SMARCA2: variants seen among roughly 807,000 people sequenced by gnomAD.
The protein encoded by SMARCA2 is SWI/SNF related BAF chromatin remodeling complex subunit ATPase 2.
A neutral mutation model predicts 199.8 loss-of-function variants in SMARCA2; 61 were observed. That is an observed-to-expected ratio of 0.31 (90% CI 0.25 to 0.38). The LOEUF is 0.38. Ranked by LOEUF, SMARCA2 falls within the 10% of genes least tolerant of loss-of-function variation. The pLI is 1.00. For synonymous variants in SMARCA2, 935 were observed against 732.0 expected (o/e 1.28, Z -4.48); for missense variants, 1,344 against 2,012.2 (o/e 0.67, Z 6.35).
At chr9:2,089,234 C>G (rs753473879) in intron 19 of SMARCA2, among the ~76,000 whole-genome samples, 7 of 152,082 alleles carry the variant, frequency 4.6e-5, no homozygotes, top group Non-Finnish European at 7.4e-5. Flanking sequence ...TTTAGAACAC[C>G]TTTTGAGCCC....
At position 2,123,093 on chromosome 9, in the gene SMARCA2, G is replaced by A. The variant is rs1823536624; in HGVS notation, c.3763-626G>A. Among the ~76,000 whole-genome samples, 1 of 152,194 alleles carries A rather than the reference G, an allele frequency of 6.6e-6. No individual in the cohort carries two copies. The highest frequency in any genetic ancestry group is 2.4e-5 in the African/African-American group (1 of 41,440). The stretch of plus-strand genomic sequence containing the variant: ...TTCATAAGAGCACAAAGCTTAAAAT[G>A]TAAAGAATTGAAGAGCATTCCTCAG... On this transcript the variant is annotated intron_variant, in intron 26 of 33. Coordinates refer to ENST00000349721, the MANE Select transcript of SMARCA2 (RefSeq NM_003070.5). The surrounding 1 kb of genome is among the most constrained non-coding windows in gnomAD (Gnocchi z 4.1).
At chr9:2,163,632 A>G (rs115930753) in intron 28 of SMARCA2, among the ~76,000 whole-genome samples, 48 of 152,270 alleles carry the variant, frequency 3.2e-4, no homozygotes, top group African/African-American at 1.2e-3. Context: ...ATATACATCA[A>G]ACTTTTTTGC....
Position 2,169,330 on chromosome 9 carries a change from C to T in SMARCA2, c.4200-1089C>T, listed in dbSNP as rs542917053. On this transcript the variant is annotated intron_variant, in intron 28 of 33. Coordinates refer to ENST00000349721, the MANE Select transcript of SMARCA2 (RefSeq NM_003070.5). This position sits in a 1 kb window ranked among gnomAD's most constrained non-coding sequence, Gnocchi z 6.5. ...ATTGTAACTTTAGAACTCTTCACAG[C>T]GGCCCCGTTGCCTACCCGATGATGA... Among the ~76,000 whole-genome samples, 102 of 152,278 alleles carry T rather than the reference C, an allele frequency of 6.7e-4. No homozygotes were observed. The highest frequency in any genetic ancestry group is 1.2e-3 in the Non-Finnish European group (79 of 68,024).
At chr9:2,149,182 T>C (rs1041718458) in intron 27 of SMARCA2, among the ~76,000 whole-genome samples, 3 of 151,154 alleles carry the variant, frequency 2.0e-5, no homozygotes, top group African/African-American at 7.3e-5. Flanking sequence ...AAAAGGCACT[T>C]CTTACATGGT....
chr9:2,119,572 T>C lies in SMARCA2; in HGVS notation c.3762+37T>C, dbSNP rs1295090054. On this transcript the variant is annotated intron_variant, in intron 26 of 33. Transcript: ENST00000349721. This position sits in a 1 kb window ranked among gnomAD's most constrained non-coding sequence, Gnocchi z 4.6. ...GAAAATCATGAACACAAATGCTTTA[T>C]ACCTCTGCCCCTTTTTCTGTTAAGC... 8 of 1,372,042 alleles carry C rather than the reference T, an allele frequency of 5.8e-6. No individual in the cohort carries two copies. Among genetic ancestry groups the C allele is most frequent in the Non-Finnish European group, 8.3e-6 (8 of 960,816 alleles). The allele number at this position is 1,372,042 out of a possible 1,614,324, so 85.0% of individuals were successfully genotyped here. A position where few individuals can be genotyped will look rare whatever the true frequency, so the allele number is the denominator to read the frequency against.
intron 15 of SMARCA2, among the ~76,000 whole-genome samples, chr9:2,082,727 A>G (rs1821621688): frequency 6.6e-6 from 1 of 152,258 alleles, no homozygotes; most frequent in Admixed American, 6.5e-5. Flanking sequence ...TTGGACCTTC[A>G]GTAAGAAGAA....
intron 23 of SMARCA2, among the ~76,000 whole-genome samples, chr9:2,109,877 C>A (rs1240723536): frequency 1.3e-5 from 2 of 152,068 alleles, no homozygotes; most frequent in Non-Finnish European, 2.9e-5. Flanking sequence ...GTTTTAAGTG[C>A]ACGTGTGTGT....
intron 27 of SMARCA2, chr9:2,160,881 AG>A: frequency 5.7e-6 from 2 of 353,322 alleles, no homozygotes; most frequent in Non-Finnish European, 1.0e-5. Context: ...GAGATTTACC[AG>A]GAAAAAAAAA....
At chr9:2,147,710 G>A (rs72689138) in intron 27 of SMARCA2, among the ~76,000 whole-genome samples, 69,952 of 148,666 alleles carry the variant, frequency 0.47, 18,656 homozygotes, top group Non-Finnish European at 0.59. Context: ...GCGGGGCGTG[G>A]TGGGCGGGCA....
In SMARCA2 at chr9:2,088,576, G is replaced by A; in HGVS notation, c.2846G>A (p.Arg949Lys). The A allele has an allele frequency of 6.3e-7, 1 of 1,595,674 alleles. No homozygotes were observed. Among genetic ancestry groups the A allele is most frequent in the Non-Finnish European group, 8.5e-7 (1 of 1,175,458 alleles). ...GTGTTAAGACCATTTTTACTAAGGA[G>A]ACTGAAGAAAGAAGTTGAATCCCAG... ...HKVLRPFLLR[R>K]LKKEVESQLP... Residue 949 changes from arginine to lysine, a missense_variant, in exon 19 of 34, where the codon AGA becomes AAA. Arg to Lys is a conservative substitution (Grantham distance 26). Coordinates refer to ENST00000349721, the MANE Select transcript of SMARCA2 (RefSeq NM_003070.5).
chr9:2,077,037 C>G (rs11792177), intron 13 of SMARCA2, among the ~76,000 whole-genome samples: 70,180 of 152,030 alleles, frequency 0.46, 19,814 homozygotes, highest in African/African-American at 0.81. Flanking sequence ...ACCCTTCCTC[C>G]TAGCAGTCTG....
rs7869451 is a variant in SMARCA2 at position 2,127,348 on chromosome 9, A to G, written c.3981+3411A>G. On this transcript the variant is annotated intron_variant, in intron 27 of 33. Coordinates refer to ENST00000349721, the MANE Select transcript of SMARCA2 (RefSeq NM_003070.5). ...ACTGGATTGACAGATAAGGGTATAG[A>G]TAGATGTGGGTAATGTTCACTGCTG... Among the ~76,000 whole-genome samples the G allele has an allele frequency of 5.9e-3, 902 of 152,236 alleles. 7 individuals are homozygous for G. Among genetic ancestry groups the G allele is most frequent in the African/African-American group, 0.02 (843 of 41,540 alleles).
chr9:2,164,337 C>G (rs1230387838), intron 28 of SMARCA2, among the ~76,000 whole-genome samples: 2 of 126,090 alleles, frequency 1.6e-5, no homozygotes. Flanking sequence ...AGAGTACAGA[C>G]TCTTGTCTGT....
At chr9:2,148,933 A>C (rs1243681959) in intron 27 of SMARCA2, among the ~76,000 whole-genome samples, 1 of 151,426 alleles carries the variant, frequency 6.6e-6, no homozygotes, top group South Asian at 2.1e-4. Context: ...CCAACTCTTC[A>C]TGTTGATTTC....
intron 27 of SMARCA2, among the ~76,000 whole-genome samples, chr9:2,127,261 T>A (rs1823735412): frequency 6.6e-6 from 1 of 152,230 alleles, no homozygotes; most frequent in Admixed American, 6.5e-5. Context: ...CTGTATCTTG[T>A]TAGAATTTAG....
At chr9:2,185,194 CA>C (rs1205356121) in intron 31 of SMARCA2, among the ~76,000 whole-genome samples, 10 of 152,178 alleles carry the variant, frequency 6.6e-5, no homozygotes, top group African/African-American at 2.4e-4. Context: ...CTCCTTCCCC[CA>C]GCCCCTGGCA....
In SMARCA2 at chr9:2,084,196, G is replaced by A; in HGVS notation, c.2526G>A (p.Lys842=). The change falls in exon 17 of 34, where the codon AAG becomes AAA. Residue 842 remains lysine (K), a splice_region_variant and synonymous_variant. Coordinates refer to ENST00000349721, the MANE Select transcript of SMARCA2 (RefSeq NM_003070.5). ...TAAAAGACAAGCACATTCTTGCAAA[G>A]GTATGTTTTTAAAAAATTATTTTCT... ...YIIKDKHILA[K]IRWKYMIVDE... The A allele has an allele frequency of 3.9e-6, 6 of 1,526,808 alleles. No homozygotes were observed. The highest frequency in any genetic ancestry group is 5.4e-6 in the Non-Finnish European group (6 of 1,103,154). 94.6% of individuals were successfully genotyped at this position (1,526,808 alleles called of 1,614,324 possible). A position where few individuals can be genotyped will look rare whatever the true frequency, so the allele number is the denominator to read the frequency against.
Position 2,039,815 on chromosome 9 carries a change from G to T in SMARCA2, c.705G>T (p.Gln235His), listed in dbSNP as rs574062756. 3 of 1,596,798 alleles carry T rather than the reference G, an allele frequency of 1.9e-6. No individual in the cohort carries two copies. The highest frequency in any genetic ancestry group is 2.3e-5 in the East Asian group (1 of 43,920). The stretch of plus-strand genomic sequence containing the variant: ...AGCAGCAGCAGCAGCAGCAGCAGCA[G>T]CAACAGCAGCCGCAGCAGCAGCCGC... ...QQQQQQQQQQ[Q>H]QQQPQQQPPQ... The change falls in exon 4 of 34, where the codon CAG (glutamine) becomes CAT (histidine). Residue 235 changes from glutamine to histidine, a missense_variant. Gln to His is a conservative substitution (Grantham distance 24, BLOSUM62 0). This residue lies in a region of SMARCA2 where 117 missense variants were observed against 99.1 expected (regional missense o/e 1.18). Transcript: ENST00000349721. The surrounding 1 kb of genome is among the most constrained non-coding windows in gnomAD (Gnocchi z 4.8).
chr9:2,146,121 A>G (rs909813569), intron 27 of SMARCA2, among the ~76,000 whole-genome samples: 4 of 152,226 alleles, frequency 2.6e-5, no homozygotes, highest in Non-Finnish European at 5.9e-5. Flanking sequence ...GAAGTCCAAG[A>G]TCAAGGCACC....
Sources: gnomAD v4.1 joint callset for allele counts (sites outside exome capture counted in the v4.1 genomes callset) on GRCh38, gnomAD v4.1.1 for gene constraint, gnomAD v4.1.1 regional missense constraint, Gnocchi (gnomAD v3.1) non-coding constraint, MANE v1.5 for transcripts, NCBI Gene and HGNC (gene_info 2026-07-23, HGNC 2026-07-21) for gene names.